Variants in TAFA4 observed in about 807,000 individuals in gnomAD.
The protein encoded by TAFA4 is TAFA chemokine like family member 4.
Under a neutral mutation model 21.1 loss-of-function variants are expected in TAFA4, and 20 were observed. That is an observed-to-expected ratio of 0.95 (90% CI 0.67 to 1.38). The LOEUF (loss-of-function observed/expected upper bound fraction) is 1.38. TAFA4 is among the 40% of genes most tolerant of loss of function. The pLI, the probability that TAFA4 is intolerant of heterozygous loss-of-function variation, is 0.00. For synonymous variants in TAFA4, 71 were observed against 67.4 expected (o/e 1.05, Z -0.26); for missense variants, 211 against 180.9 (o/e 1.17, Z -0.95).
chr3:68,767,002 C>T (rs1436750649), intron 3 of TAFA4, among the ~76,000 whole-genome samples: 1 of 152,094 alleles, frequency 6.6e-6, no homozygotes, highest in African/African-American at 2.4e-5. Context: ...ATCAATAAAG[C>T]ATGAGACTTA....
At position 68,932,461 on chromosome 3, in the gene TAFA4, GC is replaced by G. The variant is rs1243035747; in HGVS notation, c.-345del. The G allele has an allele frequency of 3.9e-5, 6 of 152,332 alleles. No homozygotes were observed. In the East Asian group the frequency reaches 1.2e-3, roughly 29 times the overall value. The allele number at this position is 152,332 out of a possible 1,614,324, so 9.4% of individuals were successfully genotyped here. A position where few individuals can be genotyped will look rare whatever the true frequency, so the allele number is the denominator to read the frequency against. On this transcript the variant is annotated 5_prime_UTR_variant, in exon 1 of 6. Transcript: ENST00000295569. ...GCCTGAAGCTGCTGCTGGAGAAGCG[GC>G]AGCTGAGGCAGGACTCCCGATGTTT...
At chr3:68,827,359 T>C (rs1300481523) in intron 3 of TAFA4, among the ~76,000 whole-genome samples, 1 of 152,166 alleles carries the variant, frequency 6.6e-6, no homozygotes, top group Non-Finnish European at 1.5e-5. Flanking sequence ...TGTGCATATG[T>C]CTTTATAGTA....
intron 2 of TAFA4, 99 bp from the exon 3 acceptor site, chr3:68,880,944 C>T (rs1349137370): frequency 2.4e-6 from 2 of 828,254 alleles, no homozygotes; most frequent in Non-Finnish European, 3.9e-6. Context: ...GGGGCAGATC[C>T]CTGGAGCTGG....
intron 1 of TAFA4, among the ~76,000 whole-genome samples, chr3:68,931,837 T>C (rs1308853893): frequency 2.0e-5 from 3 of 152,020 alleles, no homozygotes; most frequent in Non-Finnish European, 2.9e-5. Flanking sequence ...CTAGCTCAGA[T>C]TAAAGGGATG....
intron 3 of TAFA4, among the ~76,000 whole-genome samples, chr3:68,854,850 A>G: frequency 6.6e-6 from 1 of 152,098 alleles, no homozygotes; most frequent in East Asian, 1.9e-4. Flanking sequence ...GACTTGAAAA[A>G]CAGAAAAGAA....
chr3:68,828,764 AAGG>A (rs1358597276), intron 3 of TAFA4, among the ~76,000 whole-genome samples: 4 of 152,170 alleles, frequency 2.6e-5, no homozygotes, highest in African/African-American at 7.2e-5. Context: ...TTATCAGCTT[AAGG>A]AGATTTTGGG....
intron 3 of TAFA4, among the ~76,000 whole-genome samples, chr3:68,868,130 T>C (rs77768904): frequency 0.15 from 22,385 of 151,836 alleles, 2,485 homozygotes; most frequent in African/African-American, 0.31. Context: ...AAGACACACA[T>C]AGACTGAAAG....
intron 1 of TAFA4, among the ~76,000 whole-genome samples, chr3:68,888,347 G>A (rs2089695039): frequency 6.6e-6 from 1 of 151,944 alleles, no homozygotes; most frequent in African/African-American, 2.4e-5. Flanking sequence ...AACCTCTTAA[G>A]TGATCTCTAA....
At chr3:68,861,035 C>G (rs970007760) in intron 3 of TAFA4, among the ~76,000 whole-genome samples, 2 of 130,358 alleles carry the variant, frequency 1.5e-5, no homozygotes, top group East Asian at 2.9e-4. Context: ...TATGCACCCC[C>G]CCCCCGCCCC....
intron 1 of TAFA4, among the ~76,000 whole-genome samples, chr3:68,931,298 G>A (rs1276907743): frequency 6.6e-6 from 1 of 152,122 alleles, no homozygotes; most frequent in Non-Finnish European, 1.5e-5. Context: ...TCGGTGACGG[G>A]GGATGGGCAC....
intron 1 of TAFA4, among the ~76,000 whole-genome samples, chr3:68,907,696 A>G (rs763232569): frequency 3.3e-5 from 5 of 152,198 alleles, no homozygotes; most frequent in Non-Finnish European, 7.3e-5. Flanking sequence ...CCCTCTCTAA[A>G]TAAGTCTGAG....
At chr3:68,826,175 G>A (rs959055452) in intron 3 of TAFA4, among the ~76,000 whole-genome samples, 1 of 152,194 alleles carries the variant, frequency 6.6e-6, no homozygotes, top group Non-Finnish European at 1.5e-5. Context: ...CACTGGACCT[G>A]CAGTCGGAAG....
At chr3:68,866,125 T>C (rs948704669) in intron 3 of TAFA4, among the ~76,000 whole-genome samples, 4 of 152,090 alleles carry the variant, frequency 2.6e-5, no homozygotes, top group Non-Finnish European at 5.9e-5. Flanking sequence ...GATGTAAGAC[T>C]AGTGACCTCA....
chr3:68,745,356 T>C (rs959126842), intron 4 of TAFA4, among the ~76,000 whole-genome samples: 3 of 152,210 alleles, frequency 2.0e-5, no homozygotes, highest in Non-Finnish European at 4.4e-5. Context: ...AGATATTTTT[T>C]TCCTGTTACA....
At chr3:68,902,707 T>TAA (rs2089856380) in intron 1 of TAFA4, among the ~76,000 whole-genome samples, 1 of 152,158 alleles carries the variant, frequency 6.6e-6, no homozygotes, top group Non-Finnish European at 1.5e-5. Context: ...TACAACCTTG[T>TAA]CTTTTGGTCT....
intron 3 of TAFA4, among the ~76,000 whole-genome samples, chr3:68,815,091 T>C (rs1015135631): frequency 6.6e-6 from 1 of 152,250 alleles, no homozygotes; most frequent in African/African-American, 2.4e-5. Context: ...TAAATGGTGC[T>C]GGGAAACCTG....
intron 5 of TAFA4, 96 bp from the exon 6 acceptor site, chr3:68,733,249 CTT>C: frequency 6.9e-7 from 1 of 1,458,562 alleles, no homozygotes; most frequent in Non-Finnish European, 9.3e-7. Context: ...ACTGTGAATA[CTT>C]TATCAGTTTG....
chr3:68,899,309 TAAATA>T (rs1429598586), intron 1 of TAFA4, among the ~76,000 whole-genome samples: 1 of 152,088 alleles, frequency 6.6e-6, no homozygotes, highest in Non-Finnish European at 1.5e-5. Context: ...CATAGCCAGC[TAAATA>T]AAATATAATA....
At chr3:68,891,324 C>T (rs2106965723) in intron 1 of TAFA4, among the ~76,000 whole-genome samples, 1 of 152,182 alleles carries the variant, frequency 6.6e-6, no homozygotes, top group Non-Finnish European at 1.5e-5. Flanking sequence ...TGCTTAATAA[C>T]AAACAAATAG....
Sources: gnomAD v4.1 joint callset for allele counts (sites outside exome capture counted in the v4.1 genomes callset) on GRCh38, gnomAD v4.1.1 for gene constraint, MANE v1.5 for transcripts, NCBI Gene and HGNC (gene_info 2026-07-23, HGNC 2026-07-21) for gene names.